CEP128: variants seen among roughly 807,000 people sequenced by gnomAD.
CEP128 encodes the protein centrosomal protein 128kDa.
A neutral mutation model predicts 156.7 loss-of-function variants in CEP128; 132 were observed. That is an observed-to-expected ratio of 0.84 (90% confidence interval 0.73 to 0.97). The LOEUF (loss-of-function observed/expected upper bound fraction) is 0.97. Ranked by LOEUF, CEP128 falls within the 50% of genes least tolerant of loss-of-function variation. CEP128 has a pLI of 0.00. For missense variants in CEP128, 1,252 were observed against 1,281.9 expected, an observed-to-expected ratio of 0.98 and a Z score of 0.36; for synonymous variants, 469 against 448.9, an observed-to-expected ratio of 1.04 and a Z score of -0.57.
At chr14:80,664,336 C>T (rs1278515987) in intron 19 of CEP128, among the ~76,000 whole-genome samples, 1 of 152,110 alleles carries the variant, frequency 6.6e-6, no homozygotes. Flanking sequence ...AACAACCAAA[C>T]TCACAGATTC....
intron 19 of CEP128, among the ~76,000 whole-genome samples, chr14:80,594,052 C>T (rs1363023948): frequency 6.6e-6 from 1 of 152,136 alleles, no homozygotes; most frequent in African/African-American, 2.4e-5. Context: ...GGAGGCATCA[C>T]GCTACCTGAC....
intron 23 of CEP128, 88 bp from the exon 24 acceptor site, chr14:80,505,108 T>C (rs1887912556): frequency 8.2e-6 from 4 of 486,698 alleles, no homozygotes; most frequent in African/African-American, 3.9e-5. Flanking sequence ...AATTAAATCT[T>C]AATATACAAG....
intron 2 of CEP128, among the ~76,000 whole-genome samples, chr14:80,920,273 A>G (rs1884783390): frequency 6.6e-6 from 1 of 152,122 alleles, no homozygotes; most frequent in Non-Finnish European, 1.5e-5. Context: ...TCATCAGCCA[A>G]CACCACTACA....
intron 19 of CEP128, among the ~76,000 whole-genome samples, chr14:80,697,666 A>T (rs1430744725): frequency 6.6e-6 from 1 of 152,048 alleles, no homozygotes; most frequent in Non-Finnish European, 1.5e-5. Context: ...AAAATAGAAG[A>T]TGTTACACTG....
At chr14:80,937,074 T>A (rs10139735) in intron 2 of CEP128, among the ~76,000 whole-genome samples, 6,632 of 152,232 alleles carry the variant, frequency 0.044, 495 homozygotes, top group African/African-American at 0.15. Flanking sequence ...TCACAGTATT[T>A]TGGGAGGCCA....
intron 19 of CEP128, among the ~76,000 whole-genome samples, chr14:80,621,115 C>G (rs1327247297): frequency 6.6e-6 from 1 of 152,170 alleles, no homozygotes; most frequent in Non-Finnish European, 1.5e-5. Flanking sequence ...TCTGCTAAAT[C>G]TGAGTGGCGC....
chr14:80,480,537 C>A (rs553595732), intron 14 of CEP128, among the ~76,000 whole-genome samples: 3 of 152,224 alleles, frequency 2.0e-5, no homozygotes, highest in Admixed American at 2.0e-4. Flanking sequence ...CCCAGGAAAC[C>A]ATATTTTCCT....
chr14:80,883,497 C>A (rs1888649705), intron 8 of CEP128, among the ~76,000 whole-genome samples: 3 of 151,750 alleles, frequency 2.0e-5, no homozygotes, highest in Non-Finnish European at 4.4e-5. Flanking sequence ...TTTACAATAG[C>A]TAAAGATAAA....
At chr14:80,827,947 G>C (rs1885568205) in intron 13 of CEP128, among the ~76,000 whole-genome samples, 1 of 152,016 alleles carries the variant, frequency 6.6e-6, no homozygotes, top group Non-Finnish European at 1.5e-5. Flanking sequence ...ATATGAGCCA[G>C]TCTCCTGGGT....
intron 2 of CEP128, among the ~76,000 whole-genome samples, chr14:80,947,264 C>T (rs1052314013): frequency 1.3e-5 from 2 of 151,932 alleles, no homozygotes; most frequent in Non-Finnish European, 2.9e-5. Flanking sequence ...TTTTTTTCAC[C>T]TTGGCTCTCT....
chr14:80,537,500 T>C (rs964989576), intron 21 of CEP128, among the ~76,000 whole-genome samples: 1 of 152,074 alleles, frequency 6.6e-6, no homozygotes, highest in Non-Finnish European at 1.5e-5. Context: ...CAAAGACAAA[T>C]GAGGACTAGT....
intron 19 of CEP128, among the ~76,000 whole-genome samples, chr14:80,714,964 T>G (rs1169523817): frequency 2.0e-5 from 3 of 152,304 alleles, no homozygotes; most frequent in Admixed American, 1.3e-4. Flanking sequence ...CAGGCATGTC[T>G]GTAATCCCAG....
chr14:80,824,732 A>C (rs1204730521), intron 13 of CEP128, among the ~76,000 whole-genome samples: 3 of 152,176 alleles, frequency 2.0e-5, no homozygotes. Flanking sequence ...GCCATTCAAC[A>C]AGTCTATAGA....
chr14:80,541,529 T>C (rs1254613637), intron 21 of CEP128, among the ~76,000 whole-genome samples: 1 of 151,782 alleles, frequency 6.6e-6, no homozygotes, highest in Non-Finnish European at 1.5e-5. Context: ...ACTCCAAATA[T>C]TTGTCATGGT....
At chr14:80,907,487 G>A (rs759917) in intron 4 of CEP128, among the ~76,000 whole-genome samples, 104,581 of 151,424 alleles carry the variant, frequency 0.69, 37,332 homozygotes, top group African/African-American at 0.88. Flanking sequence ...GTGAAACCTC[G>A]TCTCTCCTAA....
intron 16 of CEP128, among the ~76,000 whole-genome samples, chr14:80,768,345 G>C (rs1364975659): frequency 1.3e-5 from 2 of 152,142 alleles, no homozygotes; most frequent in African/African-American, 4.8e-5. Context: ...TTTTAAAGTA[G>C]AGTCAATAAG....
chr14:80,944,501 C>T (rs916991532), upstream of CEP128, among the ~76,000 whole-genome samples: 1 of 152,148 alleles, frequency 6.6e-6, no homozygotes, highest in Non-Finnish European at 1.5e-5. Flanking sequence ...GAGGCTTCCC[C>T]AGCCATGCAG....
rs1028043161 is a variant in CEP128, at chr14:80,948,692, T to C, written c.-171-9152A>G. On this transcript the variant is annotated intron_variant, in intron 2 of 7. Coordinates refer to the CEP128 transcript ENST00000555529. ...GTGTTCTATAGCCATTCTCATTCAT[T>C]TGTTACATTTAAAAGGATTCTGTGC... Among the ~76,000 whole-genome samples, 7 of 152,240 alleles carry C rather than the reference T, an allele frequency of 4.6e-5. No individual in the cohort carries two copies. The South Asian group carries it at 6.2e-4, about 13-fold the overall frequency.
At chr14:80,633,146 G>A (rs111564347) in intron 19 of CEP128, among the ~76,000 whole-genome samples, 106 of 136,220 alleles carry the variant, frequency 7.8e-4, no homozygotes, top group African/African-American at 3.1e-3. Context: ...AGGATCACGT[G>A]AGCCCAGAAG....
Sources: allele counts gnomAD v4.1 joint callset (sites outside exome capture counted in the v4.1 genomes callset), GRCh38; gene constraint gnomAD v4.1.1; transcripts MANE v1.5; gene names NCBI Gene and HGNC (gene_info 2026-07-23, HGNC 2026-07-21).